Variants in SLC6A15 observed in about 807,000 individuals in gnomAD.
The protein encoded by SLC6A15 is sodium-dependent neutral amino acid transporter B(0)AT2.
Under a neutral mutation model 68.5 loss-of-function variants are expected in SLC6A15, and 33 were observed. That is an observed-to-expected ratio of 0.48 (90% CI 0.37 to 0.64). SLC6A15 has a LOEUF of 0.64. Ranked by LOEUF, SLC6A15 falls within the 30% of genes least tolerant of loss-of-function variation. The probability of loss-of-function intolerance (pLI) is 0.00; values close to 1 mark genes in which losing one functional copy is unlikely to be tolerated. For missense variants in SLC6A15, 747 were observed against 874.3 expected (o/e 0.85, Z 1.84); for synonymous variants, 347 against 301.0 (o/e 1.15, Z -1.58).
chr12:84,904,912 C>T (rs753179675), intron 1 of SLC6A15, among the ~76,000 whole-genome samples: 8 of 152,086 alleles, frequency 5.3e-5, no homozygotes, highest in Non-Finnish European at 8.8e-5. Context: ...AGCTATATAA[C>T]TAATAAATAA....
chr12:84,871,526 G>A (rs1217292934), intron 8 of SLC6A15, among the ~76,000 whole-genome samples: 1 of 151,528 alleles, frequency 6.6e-6, no homozygotes, highest in African/African-American at 2.4e-5. Context: ...CTAACTAACT[G>A]TACCTATAAC....
At chr12:84,880,029 C>T (rs1341170862) in intron 5 of SLC6A15, among the ~76,000 whole-genome samples, 1 of 152,224 alleles carries the variant, frequency 6.6e-6, no homozygotes. Flanking sequence ...ATTAATTCAA[C>T]AAACATTTAA....
chr12:84,873,039 A>G (rs1272509560), intron 7 of SLC6A15, 48 bp downstream of exon 7: 2 of 1,579,390 alleles, frequency 1.3e-6, no homozygotes, highest in Non-Finnish European at 1.7e-6. Context: ...AGTATAAATA[A>G]CAAGATAAAA....
intron 5 of SLC6A15, among the ~76,000 whole-genome samples, chr12:84,880,651 A>G (rs1871780033): frequency 6.6e-6 from 1 of 152,170 alleles, no homozygotes; most frequent in Non-Finnish European, 1.5e-5. Context: ...AGAAGTATAC[A>G]TTTTTAAAAC....
At chr12:84,884,402 T>G (rs903034457) in intron 4 of SLC6A15, among the ~76,000 whole-genome samples, 1 of 152,072 alleles carries the variant, frequency 6.6e-6, no homozygotes, top group Non-Finnish European at 1.5e-5. Flanking sequence ...GCCTCCCGGA[T>G]TCAAGTGATT....
intron 2 of SLC6A15, among the ~76,000 whole-genome samples, chr12:84,891,535 G>C (rs1872391191): frequency 6.6e-6 from 1 of 152,032 alleles, no homozygotes; most frequent in African/African-American, 2.4e-5. Flanking sequence ...AAGCACAAAC[G>C]ATGCAAGAAA....
At chr12:84,898,941 C>A (rs184069205) in intron 1 of SLC6A15, among the ~76,000 whole-genome samples, 2 of 152,350 alleles carry the variant, frequency 1.3e-5, no homozygotes, top group African/African-American at 4.8e-5. Context: ...ACTAGGCTTA[C>A]ATGATCAGTT....
At chr12:84,862,940 C>T (rs1014330208) in intron 11 of SLC6A15, among the ~76,000 whole-genome samples, 3 of 152,082 alleles carry the variant, frequency 2.0e-5, no homozygotes, top group African/African-American at 7.2e-5. Flanking sequence ...TAGCCGTGTG[C>T]TACCATGCCC....
At chr12:84,888,589 T>G (rs574778105) in intron 2 of SLC6A15, among the ~76,000 whole-genome samples, 1 of 152,246 alleles carries the variant, frequency 6.6e-6, no homozygotes, top group South Asian at 2.1e-4. Flanking sequence ...CAGTATGATG[T>G]AATGCACTTT....
Position 84,861,960 on chromosome 12 carries a change from C to A in SLC6A15, c.1865G>T (p.Cys622Phe), listed in dbSNP as rs1384594580. The change falls in exon 12 of 12, where the codon TGT becomes TTT. Residue 622 changes from cysteine to phenylalanine, a missense_variant. Physicochemically the swap from Cys to Phe is radical, Grantham distance 205. Transcript: ENST00000266682. Reference sequence around the variant, plus strand: ...TATTGCAAAGACAACCAGAGAGACACAAACAACCAGTCCCCATGTTGGATA... The same window carrying A: ...TATTGCAAAGACAACCAGAGAGACAAAAACAACCAGTCCCCATGTTGGATA... Reference protein sequence around the residue: ...LSYPTWGLVVCVSLVVFAILP... With the variant: ...LSYPTWGLVVFVSLVVFAILP... The A allele has an allele frequency of 4.3e-6, 7 of 1,612,848 alleles. No homozygotes were observed. The highest frequency in any genetic ancestry group is 5.9e-6 in the Non-Finnish European group (7 of 1,179,480).
chr12:84,890,456 T>C (rs146959506), intron 2 of SLC6A15, among the ~76,000 whole-genome samples: 202 of 152,284 alleles, frequency 1.3e-3, no homozygotes, highest in Non-Finnish European at 2.3e-3. Context: ...ATGGAATGAT[T>C]TGTGAGAAAC....
intron 5 of SLC6A15, chr12:84,883,321 T>C: frequency 1.0e-6 from 1 of 988,776 alleles, no homozygotes; most frequent in Non-Finnish European, 1.2e-6. Flanking sequence ...ATATTTAGTC[T>C]TTTACATTAC....
intron 10 of SLC6A15, among the ~76,000 whole-genome samples, chr12:84,865,979 A>G (rs780017362): frequency 2.6e-5 from 4 of 152,240 alleles, no homozygotes; most frequent in Non-Finnish European, 5.9e-5. Context: ...ATTATACACT[A>G]AGAGCTATTA....
chr12:84,899,158 A>G lies in SLC6A15; in HGVS notation c.-188-6850T>C, dbSNP rs374728002. Among the ~76,000 whole-genome samples, 4 of 152,314 alleles carry G rather than the reference A, an allele frequency of 2.6e-5. No homozygotes were observed. In the South Asian group the frequency reaches 8.3e-4, roughly 32 times the overall value. On this transcript the variant is annotated intron_variant, in intron 1 of 11. Coordinates refer to ENST00000266682, the MANE Select transcript of SLC6A15 (RefSeq NM_182767.6). ...TAGCCAAAAAGAAAAGGTGAGCCCA[A>G]TGTACAAGTGCTACTAGAGCCTCTC...
In SLC6A15 at chr12:84,885,952, T is replaced by C. The variant is rs756453892; in HGVS notation, c.406A>G (p.Ile136Val). ...RRGSIGVWNY[I>V]SPKLGGIGFA... ...CCAATCCCGCCCAGTTTAGGGCTTATGTAATTCCATACACCAATGCTGCCT... is the reference window on the plus strand; with the variant it reads ...CCAATCCCGCCCAGTTTAGGGCTTACGTAATTCCATACACCAATGCTGCCT... The change falls in exon 3 of 12, where the codon ATA becomes GTA. Residue 136 changes from isoleucine to valine, a missense_variant. By Grantham distance (29) the Ile-to-Val change is conservative (BLOSUM62 3). Transcript: ENST00000266682. 2.5e-6 allele frequency: 4 copies of C among 1,613,028 alleles called. No individual in the cohort carries two copies. Among genetic ancestry groups the C allele is most frequent in the Non-Finnish European group, 3.4e-6 (4 of 1,179,350 alleles).
At chr12:84,893,489 T>C (rs1872514392) in intron 1 of SLC6A15, among the ~76,000 whole-genome samples, 1 of 152,068 alleles carries the variant, frequency 6.6e-6, no homozygotes, top group African/African-American at 2.4e-5. Context: ...CAAGTAAATA[T>C]ATAAGACATG....
intron 2 of SLC6A15, among the ~76,000 whole-genome samples, chr12:84,891,232 T>C (rs1872375895): frequency 6.6e-6 from 1 of 152,164 alleles, no homozygotes; most frequent in Non-Finnish European, 1.5e-5. Flanking sequence ...AAATGGAACA[T>C]TGTTCCAAAA....
In SLC6A15 at chr12:84,884,817, T is replaced by C. The variant is rs542679698; in HGVS notation, c.574+618A>G. On this transcript the variant is annotated intron_variant, in intron 4 of 11. Coordinates refer to ENST00000266682, the MANE Select transcript of SLC6A15 (RefSeq NM_182767.6). ...ATAAGAAAATTATTGTGAATTATTA[T>C]ATTAATAATGTTTAGAGTAATTATA... Among the ~76,000 whole-genome samples the C allele has an allele frequency of 1.5e-4, 23 of 152,136 alleles. 1 individual carries two copies. In the South Asian group the frequency reaches 4.1e-3, roughly 27 times the overall value.
intron 2 of SLC6A15, among the ~76,000 whole-genome samples, chr12:84,887,159 T>C (rs1872147932): frequency 6.6e-6 from 1 of 152,214 alleles, no homozygotes; most frequent in South Asian, 2.1e-4. Flanking sequence ...ATCTGCAGTT[T>C]TGTCCAACTA....
Sources: gnomAD v4.1 joint callset for allele counts (sites outside exome capture counted in the v4.1 genomes callset) on GRCh38, gnomAD v4.1.1 for gene constraint, MANE v1.5 for transcripts, NCBI Gene and HGNC (gene_info 2026-07-23, HGNC 2026-07-21) for gene names.